The following USP8 variants were observed in gnomAD, a reference collection of about 807,000 sequenced individuals.
USP8 encodes ubiquitin carboxyl-terminal hydrolase 8.
USP8 carries 27 observed loss-of-function variants against 130.0 expected under a neutral mutation model. That is an observed-to-expected ratio of 0.21 (90% CI 0.15 to 0.29). USP8 has a LOEUF of 0.29. Among genes scored for constraint, USP8 ranks in the 10% least tolerant of loss-of-function variants. The pLI is 1.00. For missense variants in USP8, 1,029 were observed against 1,312.2 expected, an observed-to-expected ratio of 0.78 and a Z score of 3.33; for synonymous variants, 392 against 444.1, an observed-to-expected ratio of 0.88 and a Z score of 1.48.
intron 3 of USP8, among the ~76,000 whole-genome samples, chr15:50,443,792 T>C (rs2050334642): frequency 6.6e-6 from 1 of 152,104 alleles, no homozygotes; most frequent in South Asian, 2.1e-4. Flanking sequence ...AATTACTAGG[T>C]TTTAAATCTG....
intron 4 of USP8, among the ~76,000 whole-genome samples, chr15:50,455,048 T>A (rs1314780069): frequency 6.6e-6 from 1 of 151,626 alleles, no homozygotes; most frequent in Non-Finnish European, 1.5e-5. Flanking sequence ...GTTGAGTGAA[T>A]TTTTTTCAGT....
chr15:50,482,201 C>A, intron 11 of USP8, 136 bp downstream of exon 11: 1 of 723,424 alleles, frequency 1.4e-6, no homozygotes, highest in Non-Finnish European at 2.0e-6. Flanking sequence ...ACTGATCTAT[C>A]CACATTTGCT....
In USP8 at chr15:50,459,996, C is replaced by T. The variant is rs867086476; in HGVS notation, c.498+834C>T. On this transcript the variant is annotated intron_variant, in intron 5 of 19. Coordinates refer to ENST00000307179, the MANE Select transcript of USP8 (RefSeq NM_005154.5). ...CTCCCCCAGTTCCCCCACCCCCCCCCTTTTTTTTTTTTTTTTTTGAGACAG... is the reference window on the plus strand; with the variant it reads ...CTCCCCCAGTTCCCCCACCCCCCCCTTTTTTTTTTTTTTTTTTTGAGACAG... Among the ~76,000 whole-genome samples, 287 of 92,022 alleles carry T rather than the reference C, an allele frequency of 3.1e-3. 1 individual carries two copies. Among genetic ancestry groups the T allele is most frequent in the African/African-American group, 9.8e-3 (226 of 22,982 alleles). The allele number at this position is 92,022 out of a possible 152,430, so 60.4% of individuals were successfully genotyped here.
At chr15:50,489,607 G>A (rs964378515) in intron 12 of USP8, 194 bp from the exon 13 acceptor site, 1 of 298,946 alleles carries the variant, frequency 3.3e-6, no homozygotes, top group Non-Finnish European at 6.2e-6. Flanking sequence ...CCTTGGTATA[G>A]TAATATTTGT....
At chr15:50,486,854 C>T (rs546509855) in intron 12 of USP8, among the ~76,000 whole-genome samples, 11 of 152,068 alleles carry the variant, frequency 7.2e-5, no homozygotes, top group South Asian at 2.1e-4. Context: ...TACTAATGGC[C>T]GGGTGCGGTG....
chr15:50,479,105 A>T (rs2051673032), intron 10 of USP8, among the ~76,000 whole-genome samples: 1 of 152,130 alleles, frequency 6.6e-6, no homozygotes, highest in Non-Finnish European at 1.5e-5. Context: ...TATACAAGAG[A>T]TGGGTTCTTC....
chr15:50,456,523 G>A (rs1218051962), intron 4 of USP8, among the ~76,000 whole-genome samples: 1 of 149,490 alleles, frequency 6.7e-6, no homozygotes, highest in African/African-American at 2.5e-5. Context: ...TCAGTGAGCC[G>A]AGATCCCACC....
At position 50,501,898 on chromosome 15, in the gene USP8, C is replaced by G. The variant is rs1451629224; in HGVS notation, c.*2810C>G. On this transcript the variant is annotated 3_prime_UTR_variant, in exon 20 of 20. Coordinates refer to ENST00000307179, the MANE Select transcript of USP8 (RefSeq NM_005154.5). ...TTATATGTGAAAATTTTATGAAATTCAAATGTCAATGTCCTTAAAGTTTTA... is the reference window on the plus strand; with the variant it reads ...TTATATGTGAAAATTTTATGAAATTGAAATGTCAATGTCCTTAAAGTTTTA... 6.6e-6 allele frequency: 1 copy of G among 152,090 alleles called. No individual in the cohort carries two copies. The highest frequency in any genetic ancestry group is 1.5e-5 in the Non-Finnish European group (1 of 68,010). 9.4% of individuals were successfully genotyped at this position (152,090 alleles called of 1,614,324 possible).
intron 1 of USP8, among the ~76,000 whole-genome samples, chr15:50,433,104 G>A (rs947668666): frequency 6.6e-6 from 1 of 152,142 alleles, no homozygotes; most frequent in African/African-American, 2.4e-5. Context: ...AGTGGGGCAT[G>A]GTGGCGGGGC....
intron 4 of USP8, among the ~76,000 whole-genome samples, chr15:50,454,718 G>A (rs1461483836): frequency 6.6e-6 from 1 of 152,078 alleles, no homozygotes; most frequent in African/African-American, 2.4e-5. Flanking sequence ...GCCTCCCAGA[G>A]TGCTGGGATT....
In USP8 at chr15:50,428,657, G is replaced by A. The variant is rs561338896; in HGVS notation, c.-66+4143G>A. ...TATAGTGTAATAAAAGTTATGCCCT[G>A]TGGCCATAACTTGTGCAACTTGAGG... On this transcript the variant is annotated intron_variant, in intron 1 of 19. Coordinates refer to ENST00000307179, the MANE Select transcript of USP8 (RefSeq NM_005154.5). Among the ~76,000 whole-genome samples the A allele has an allele frequency of 3.3e-5, 5 of 152,340 alleles. No homozygotes were observed. In the East Asian group the frequency reaches 9.6e-4, roughly 29 times the overall value.
intron 4 of USP8, chr15:50,458,488 A>G (rs2050868100): frequency 6.3e-6 from 1 of 157,748 alleles, no homozygotes; most frequent in Non-Finnish European, 1.4e-5. Context: ...AATTCCTCAG[A>G]TATCTGCTAA....
chr15:50,497,329 A>AT (rs2052455333), intron 18 of USP8, 98 bp downstream of exon 18: 1 of 1,400,984 alleles, frequency 7.1e-7, no homozygotes, highest in South Asian at 1.5e-5. Flanking sequence ...CCATGGGCAC[A>AT]TAACAAAGGG....
intron 4 of USP8, among the ~76,000 whole-genome samples, chr15:50,451,915 A>G (rs1851852622): frequency 6.6e-6 from 1 of 152,198 alleles, no homozygotes; most frequent in South Asian, 2.1e-4. Context: ...AGCCCTTAAC[A>G]TCTTGGGGTA....
chr15:50,471,578 T>C (rs2051378447), intron 7 of USP8, 55 bp from the exon 8 acceptor site: 1 of 1,572,416 alleles, frequency 6.4e-7, no homozygotes, highest in East Asian at 2.3e-5. Context: ...CTTCTGTTAG[T>C]ATATTAGGAC....
chr15:50,454,107 G>T (rs765037161), intron 4 of USP8, among the ~76,000 whole-genome samples: 1 of 151,928 alleles, frequency 6.6e-6, no homozygotes, highest in Non-Finnish European at 1.5e-5. Context: ...CAGGTGATCC[G>T]CCTGCCTTGG....
chr15:50,448,169 C>A (rs1187839059), intron 3 of USP8, among the ~76,000 whole-genome samples: 1 of 152,174 alleles, frequency 6.6e-6, no homozygotes, highest in East Asian at 1.9e-4. Flanking sequence ...CATTGCAGCT[C>A]TTCATGACTG....
intron 1 of USP8, among the ~76,000 whole-genome samples, chr15:50,430,705 G>C (rs2049902616): frequency 6.6e-6 from 1 of 151,896 alleles, no homozygotes; most frequent in Non-Finnish European, 1.5e-5. Flanking sequence ...AGTCAACATT[G>C]ATGCCTTATT....
At chr15:50,451,772 C>T (rs190629751) in intron 4 of USP8, among the ~76,000 whole-genome samples, 33 of 152,316 alleles carry the variant, frequency 2.2e-4, no homozygotes, top group East Asian at 5.8e-4. Context: ...AACCACAAAG[C>T]TCTTTTCCTC....
Sources: gnomAD v4.1 joint callset for allele counts (sites outside exome capture counted in the v4.1 genomes callset) on GRCh38, gnomAD v4.1.1 for gene constraint, MANE v1.5 for transcripts, NCBI Gene and HGNC (gene_info 2026-07-23, HGNC 2026-07-21) for gene names.